The following FOXN3 variants were observed in gnomAD, a reference collection of about 807,000 sequenced individuals.
The protein encoded by FOXN3 is forkhead box protein N3.
Under a neutral mutation model 38.4 loss-of-function variants are expected in FOXN3, and 7 were observed. The observed-to-expected ratio is 0.18, with a 90% CI of 0.10 to 0.34. The LOEUF (loss-of-function observed/expected upper bound fraction) is 0.34, where lower values mean the gene tolerates loss of function less well. FOXN3 is among the 10% of genes least tolerant of loss of function. The pLI, the probability that FOXN3 is intolerant of heterozygous loss-of-function variation, is 1.00. For synonymous variants in FOXN3, 230 were observed against 242.2 expected (o/e 0.95, Z 0.47); for missense variants, 456 against 613.4 (o/e 0.74, Z 2.71).
chr14:89,407,453 T>C (rs1231791291), intron 2 of FOXN3, among the ~76,000 whole-genome samples: 1 of 152,240 alleles, frequency 6.6e-6, no homozygotes, highest in Non-Finnish European at 1.5e-5. Context: ...TAGGGGGGAC[T>C]TGAGCATGGT....
chr14:89,578,886 C>T (rs550711468), intron 1 of FOXN3, among the ~76,000 whole-genome samples: 5 of 152,300 alleles, frequency 3.3e-5, no homozygotes, highest in East Asian at 1.9e-4. Flanking sequence ...CTTGCTCCTT[C>T]GCCCAGGCAG....
rs558667468 is a variant in FOXN3, at chr14:89,436,596, G to T, written c.-14-24106C>A. On this transcript the variant is annotated intron_variant, in intron 1 of 6. Coordinates refer to the FOXN3 transcript ENST00000345097. ...ATGGGCAGCCGCAGCTTAGGACTCA[G>T]TGCACAAATCAACAAGATCCCCCTG... Among the ~76,000 whole-genome samples, 3 of 152,320 alleles carry T rather than the reference G, an allele frequency of 2.0e-5. No homozygotes were observed. In the South Asian group the frequency reaches 6.2e-4, roughly 32 times the overall value.
chr14:89,264,735 C>T (rs894523512), intron 4 of FOXN3, among the ~76,000 whole-genome samples: 2 of 152,308 alleles, frequency 1.3e-5, no homozygotes, highest in African/African-American at 2.4e-5. Flanking sequence ...TCAGTTTCCA[C>T]AAACAAGTGC....
At chr14:89,458,259 G>T (rs542031498) in intron 1 of FOXN3, among the ~76,000 whole-genome samples, 2 of 152,144 alleles carry the variant, frequency 1.3e-5, no homozygotes, top group African/African-American at 2.4e-5. Flanking sequence ...CTTGTCATCC[G>T]AATCATTTCC....
At chr14:89,524,504 G>GAA (rs61150907) in intron 1 of FOXN3, among the ~76,000 whole-genome samples, 1 of 149,202 alleles carries the variant, frequency 6.7e-6, no homozygotes, top group African/African-American at 2.5e-5. Context: ...CAAAATTAGG[G>GAA]AAAAAAATCA....
intron 2 of FOXN3, among the ~76,000 whole-genome samples, chr14:89,358,459 T>A (rs1410748593): frequency 6.6e-6 from 1 of 152,230 alleles, no homozygotes; most frequent in Non-Finnish European, 1.5e-5. Flanking sequence ...AGACACGGAC[T>A]AGAGTAAGTT....
At chr14:89,303,279 T>A (rs12889595) in intron 3 of FOXN3, among the ~76,000 whole-genome samples, 144,064 of 152,038 alleles carry the variant, frequency 0.95, 68,334 homozygotes, top group East Asian at 0.98. Flanking sequence ...ACTTTTATGC[T>A]GTCTTGAAAA....
intron 4 of FOXN3, among the ~76,000 whole-genome samples, chr14:89,270,341 G>T (rs1057349958): frequency 1.3e-5 from 2 of 152,226 alleles, no homozygotes; most frequent in Non-Finnish European, 2.9e-5. Flanking sequence ...TCTGTCGGGG[G>T]TGGAAGGTAC....
chr14:89,572,923 G>A (rs757847779), intron 1 of FOXN3, among the ~76,000 whole-genome samples: 19 of 152,334 alleles, frequency 1.2e-4, no homozygotes, highest in Non-Finnish European at 2.6e-4. Context: ...AGGGTTCCAT[G>A]TGGCACTTCC....
At chr14:89,606,019 G>A (rs1013449280) in intron 1 of FOXN3, among the ~76,000 whole-genome samples, 11 of 151,802 alleles carry the variant, frequency 7.2e-5, no homozygotes, top group Non-Finnish European at 1.6e-4. Context: ...TATGTAATCT[G>A]TGAGATTAAA....
chr14:89,391,354 G>A (rs1175536216), intron 2 of FOXN3, among the ~76,000 whole-genome samples: 3 of 152,200 alleles, frequency 2.0e-5, no homozygotes, highest in Non-Finnish European at 1.5e-5. Flanking sequence ...CTGAGTCATC[G>A]TGAACAAAGC....
intron 2 of FOXN3, among the ~76,000 whole-genome samples, chr14:89,386,060 C>A (rs149085376): frequency 1.3e-5 from 2 of 152,196 alleles, no homozygotes; most frequent in East Asian, 3.9e-4. Flanking sequence ...TTTGTCAACT[C>A]AGCAAGTTTA....
At chr14:89,435,155 G>A (rs1468369864) in intron 1 of FOXN3, among the ~76,000 whole-genome samples, 3 of 152,024 alleles carry the variant, frequency 2.0e-5, no homozygotes, top group Admixed American at 6.5e-5. Flanking sequence ...GCTGCGGAGG[G>A]GAGGATTGCT....
At chr14:89,212,552 A>G (rs912302690) in intron 4 of FOXN3, among the ~76,000 whole-genome samples, 4 of 152,178 alleles carry the variant, frequency 2.6e-5, no homozygotes, top group Non-Finnish European at 5.9e-5. Context: ...GCTCTGGGTC[A>G]CAGCCATGAG....
intron 1 of FOXN3, among the ~76,000 whole-genome samples, chr14:89,499,637 A>C (rs1893756006): frequency 6.6e-6 from 1 of 152,126 alleles, no homozygotes; most frequent in African/African-American, 2.4e-5. Context: ...AATGGAAGTA[A>C]ATTTCTGATG....
chr14:89,180,323 T>C (rs1402664844), intron 5 of FOXN3, among the ~76,000 whole-genome samples: 1 of 152,206 alleles, frequency 6.6e-6, no homozygotes, highest in East Asian at 1.9e-4. Context: ...ATGAAGGAAC[T>C]GAGCCCAGAG....
At chr14:89,450,830 C>T (rs1596278907) in intron 1 of FOXN3, among the ~76,000 whole-genome samples, 1 of 152,258 alleles carries the variant, frequency 6.6e-6, no homozygotes, top group South Asian at 2.1e-4. Flanking sequence ...GGTGATCCGC[C>T]CACCTCGGCC....
chr14:89,264,781 C>T (rs1640264042), intron 4 of FOXN3, among the ~76,000 whole-genome samples: 1 of 152,130 alleles, frequency 6.6e-6, no homozygotes, highest in African/African-American at 2.4e-5. Flanking sequence ...CCACCTAACC[C>T]CAAAAGAAAC....
chr14:89,373,468 G>T (rs1295744580), intron 2 of FOXN3, among the ~76,000 whole-genome samples: 1 of 151,484 alleles, frequency 6.6e-6, no homozygotes, highest in African/African-American at 2.4e-5. Context: ...GTCTTTTTGG[G>T]GTGGGGGTGG....
Sources: gnomAD v4.1 joint callset for allele counts (sites outside exome capture counted in the v4.1 genomes callset) on GRCh38, gnomAD v4.1.1 for gene constraint, MANE v1.5 for transcripts, NCBI Gene and HGNC (gene_info 2026-07-23, HGNC 2026-07-21) for gene names.